The following PDE5A variants were observed in gnomAD, a reference collection of about 807,000 sequenced individuals.
The protein encoded by PDE5A is phosphodiesterase 5A.
A neutral mutation model predicts 110.2 loss-of-function variants in PDE5A; 67 were observed. The ratio of observed to expected loss-of-function variants is 0.61; its 90% CI spans 0.50 to 0.75. The LOEUF is 0.75. Ranked by LOEUF, PDE5A falls within the 30% of genes least tolerant of loss-of-function variation. The pLI is 0.00. For missense variants in PDE5A, 862 were observed against 1,045.1 expected (o/e 0.82, Z 2.42); for synonymous variants, 328 against 351.2 (o/e 0.93, Z 0.74).
chr4:119,617,228 A>G (rs1452703671), intron 1 of PDE5A, among the ~76,000 whole-genome samples: 1 of 151,710 alleles, frequency 6.6e-6, no homozygotes, highest in Non-Finnish European at 1.5e-5. Flanking sequence ...GTTTTTAGAA[A>G]TTTTCCACTA....
rs754180294 is a variant in PDE5A at position 119,567,058 on chromosome 4, C to T, written c.903+15G>A. ...TCTTCCTAAATTGGCTCATGTCTGA[C>T]ACAAGTTTTGGTACCTTTTCATCTT... is the stretch of plus-strand genomic sequence containing the variant. On this transcript the variant is annotated intron_variant, in intron 4 of 20. Transcript: ENST00000354960. 1 of 1,594,948 alleles carries T rather than the reference C, an allele frequency of 6.3e-7. No individual in the cohort carries two copies.
chr4:119,525,190 G>A lies in PDE5A; in HGVS notation c.1779+359C>T, dbSNP rs544546822. Among the ~76,000 whole-genome samples the A allele has an allele frequency of 2.2e-4, 33 of 152,066 alleles. No individual in the cohort carries two copies. The highest frequency in any genetic ancestry group is 8.0e-4 in the African/African-American group (33 of 41,508). The stretch of plus-strand genomic sequence containing the variant: ...TCATCTGTACGGCTTACAAGGTTCC[G>A]TATCATTTGCTTCTCACCTTCTTCC... On this transcript the variant is annotated intron_variant, in intron 12 of 20. Transcript: ENST00000354960. The surrounding 1 kb of genome is among the most constrained non-coding windows in gnomAD (Gnocchi z 4.3).
chr4:119,616,219 A>G (rs1729938889), intron 1 of PDE5A, among the ~76,000 whole-genome samples: 1 of 152,210 alleles, frequency 6.6e-6, no homozygotes. Context: ...TAATGTCGAT[A>G]TAACCTGTTA....
intron 11 of PDE5A, among the ~76,000 whole-genome samples, chr4:119,538,473 G>C (rs1432567964): frequency 6.6e-6 from 1 of 152,100 alleles, no homozygotes; most frequent in Non-Finnish European, 1.5e-5. Context: ...ACATATCCAT[G>C]TGCTTTTCTC....
At chr4:119,612,361 T>C (rs1729786649) in intron 1 of PDE5A, among the ~76,000 whole-genome samples, 1 of 152,194 alleles carries the variant, frequency 6.6e-6, no homozygotes, top group Non-Finnish European at 1.5e-5. Context: ...TTAAAAGTTG[T>C]TTGTTTAAAA....
At chr4:119,575,229 C>T (rs908664219) in intron 3 of PDE5A, among the ~76,000 whole-genome samples, 10 of 152,290 alleles carry the variant, frequency 6.6e-5, no homozygotes, top group Middle Eastern at 3.4e-3. Context: ...CTGAAAGTGA[C>T]AGGGAGAATA....
In PDE5A at chr4:119,525,774, C is replaced by T. The variant is rs1403497257; in HGVS notation, c.1633-79G>A. 4 of 1,407,638 alleles carry T rather than the reference C, an allele frequency of 2.8e-6. No individual in the cohort carries two copies. The African/African-American group carries it at 4.3e-5, about 15-fold the overall frequency. The allele number at this position is 1,407,638 out of a possible 1,614,324, so 87.2% of individuals were successfully genotyped here. A position where few individuals can be genotyped will look rare whatever the true frequency, so the allele number is the denominator to read the frequency against. On this transcript the variant is annotated intron_variant, in intron 11 of 20. Coordinates refer to ENST00000354960, the MANE Select transcript of PDE5A (RefSeq NM_001083.4). The surrounding 1 kb of genome is among the most constrained non-coding windows in gnomAD (Gnocchi z 4.3). The stretch of plus-strand genomic sequence containing the variant: ...TTTGCAAGGTTTTCTTGTTTTGCTG[C>T]AGAGAAATAGCATATTGTGGCTTTT...
chr4:119,526,544 T>G (rs957421702), intron 11 of PDE5A, among the ~76,000 whole-genome samples: 6 of 152,126 alleles, frequency 3.9e-5, no homozygotes, highest in Admixed American at 1.3e-4. Flanking sequence ...GATCAGGCTA[T>G]TAACTGGACC....
At chr4:119,505,954 T>A in intron 16 of PDE5A, 22 bp from the exon 17 acceptor site, 1 of 1,439,932 alleles carries the variant, frequency 6.9e-7, no homozygotes, top group Non-Finnish European at 9.5e-7. Flanking sequence ...AAAAAAAAAT[T>A]GTTAGTTATA....
chr4:119,591,195 T>G (rs1347590151), intron 3 of PDE5A, among the ~76,000 whole-genome samples: 1 of 152,230 alleles, frequency 6.6e-6, no homozygotes, highest in African/African-American at 2.4e-5. Context: ...GCTAATGACC[T>G]CTTCATGCAG....
At position 119,627,476 on chromosome 4, in the gene PDE5A, G is replaced by T. The variant is rs199632373; in HGVS notation, c.152+1044C>A. On this transcript the variant is annotated intron_variant, in intron 1 of 20. Transcript: ENST00000354960. This position sits in a 1 kb window ranked among gnomAD's most constrained non-coding sequence, Gnocchi z 4.6. ...CGTGTGTCACCCTCCCGGCCAAGAC[G>T]GCCAGCACCCGCTGCCCGACGGCCG... The T allele has an allele frequency of 1.1e-5, 2 of 185,834 alleles. No homozygotes were observed. Among genetic ancestry groups the T allele is most frequent in the Non-Finnish European group, 2.0e-5 (2 of 98,884 alleles). The allele number at this position is 185,834 out of a possible 1,614,324, so 11.5% of individuals were successfully genotyped here. A position where few individuals can be genotyped will look rare whatever the true frequency, so the allele number is the denominator to read the frequency against.
chr4:119,618,473 C>CA (rs2110561908), intron 1 of PDE5A, among the ~76,000 whole-genome samples: 1 of 151,796 alleles, frequency 6.6e-6, no homozygotes, highest in African/African-American at 2.4e-5. Flanking sequence ...TTTCAAATTA[C>CA]AATTTAAAAA....
chr4:119,541,467 A>G (rs1726925201), intron 10 of PDE5A, among the ~76,000 whole-genome samples: 2 of 151,982 alleles, frequency 1.3e-5, no homozygotes, highest in South Asian at 4.1e-4. Flanking sequence ...TATTTGAAAC[A>G]GATTTCCACT....
At chr4:119,585,880 C>T (rs1302843908) in intron 3 of PDE5A, among the ~76,000 whole-genome samples, 1 of 152,100 alleles carries the variant, frequency 6.6e-6, no homozygotes, top group Non-Finnish European at 1.5e-5. Context: ...AGTCAGCTGC[C>T]ATGATGTAAG....
At chr4:119,506,434 C>G (rs1725555455) in intron 16 of PDE5A, among the ~76,000 whole-genome samples, 1 of 151,652 alleles carries the variant, frequency 6.6e-6, no homozygotes, top group Non-Finnish European at 1.5e-5. Flanking sequence ...ATTTGGTGTA[C>G]AGTGAATACC....
chr4:119,526,932 A>G (rs1394686029), intron 11 of PDE5A: 1 of 151,918 alleles, frequency 6.6e-6, no homozygotes, highest in East Asian at 1.9e-4. Context: ...AGGGGAAGAA[A>G]GAAGGATTTA....
intron 12 of PDE5A, among the ~76,000 whole-genome samples, chr4:119,523,426 T>C (rs1490263080): frequency 1.3e-5 from 2 of 152,074 alleles, no homozygotes; most frequent in Non-Finnish European, 2.9e-5. Flanking sequence ...ACATCCTCTC[T>C]AGCATTAACA....
intron 3 of PDE5A, 27 bp downstream of exon 3, chr4:119,596,496 C>CA: frequency 7.7e-7 from 1 of 1,300,122 alleles, no homozygotes; most frequent in East Asian, 2.4e-5. Context: ...TTCCAATGAC[C>CA]TTTTATAAAA....
At chr4:119,575,238 T>TAGAA (rs1448906267) in intron 3 of PDE5A, among the ~76,000 whole-genome samples, 2 of 152,252 alleles carry the variant, frequency 1.3e-5, no homozygotes, top group Non-Finnish European at 2.9e-5. Flanking sequence ...ACAGGGAGAA[T>TAGAA]AGAACCAAGT....
Sources: gnomAD v4.1 joint callset for allele counts (sites outside exome capture counted in the v4.1 genomes callset) on GRCh38, gnomAD v4.1.1 for gene constraint, Gnocchi (gnomAD v3.1) non-coding constraint, MANE v1.5 for transcripts, NCBI Gene and HGNC (gene_info 2026-07-23, HGNC 2026-07-21) for gene names.